Variants in SV2C observed in about 807,000 individuals in gnomAD.
SV2C encodes the protein synaptic vesicle glycoprotein 2C, also known as solute carrier family 22 member B3.
Under a neutral mutation model 79.7 loss-of-function variants are expected in SV2C, and 49 were observed. The ratio of observed to expected loss-of-function variants is 0.61; its 90% CI spans 0.49 to 0.78. SV2C has a LOEUF of 0.78. SV2C is among the 30% of genes least tolerant of loss of function. The pLI, the probability that SV2C is intolerant of heterozygous loss-of-function variation, is 0.00. For synonymous variants in SV2C, 334 were observed against 333.2 expected (o/e 1.00, Z -0.03); for missense variants, 833 against 912.9 (o/e 0.91, Z 1.13).
At chr5:75,973,909 A>G in the SV2C span, among the ~76,000 whole-genome samples, 17,663 of 151,970 alleles carry the variant, frequency 0.12, 3,042 homozygotes, top group African/African-American at 0.37. Flanking sequence ...AACATTGATT[A>G]TCTCTTATTT....
chr5:76,153,393 T>C (rs1295309185), intron 2 of SV2C, among the ~76,000 whole-genome samples: 1 of 152,196 alleles, frequency 6.6e-6, no homozygotes, highest in African/African-American at 2.4e-5. Flanking sequence ...TGTAGTCTTC[T>C]CTCTGCTTCC....
chr5:75,881,435 CATT>C, the SV2C span, among the ~76,000 whole-genome samples: 1 of 152,098 alleles, frequency 6.6e-6, no homozygotes, highest in African/African-American at 2.4e-5. Flanking sequence ...CTTTAAAGTA[CATT>C]ATATGTTTAT....
chr5:76,105,976 G>A (rs574445322), intron 1 of SV2C, among the ~76,000 whole-genome samples: 1 of 152,054 alleles, frequency 6.6e-6, no homozygotes, highest in South Asian at 2.1e-4. Context: ...TCTATATGCT[G>A]TTCACTCCCA....
chr5:75,890,156 T>C, the SV2C span, among the ~76,000 whole-genome samples: 74 of 152,244 alleles, frequency 4.9e-4, no homozygotes, highest in African/African-American at 1.7e-3. Context: ...ATGCTAAAAT[T>C]ACCCACAATG....
chr5:76,255,367 G>A lies in SV2C; in HGVS notation c.914-29795G>A, dbSNP rs113661817. Among the ~76,000 whole-genome samples, 133 of 152,242 alleles carry A rather than the reference G, an allele frequency of 8.7e-4. 1 individual carries two copies. Among genetic ancestry groups the A allele is most frequent in the African/African-American group, 2.9e-3 (121 of 41,548 alleles). ...ACGTGGTTTGGAGACAGGATCAGCC[G>A]GTCTGGAGACCATCTTCCCATGTCA... On this transcript the variant is annotated intron_variant, in intron 4 of 12. Transcript: ENST00000502798.
At chr5:76,345,121 A>C (rs889805461) in intron 12 of SV2C, among the ~76,000 whole-genome samples, 1 of 152,204 alleles carries the variant, frequency 6.6e-6, no homozygotes, top group Non-Finnish European at 1.5e-5. Context: ...TAGAAGGGAG[A>C]GTGTCAGCAT....
chr5:76,061,105 T>G, the SV2C span, among the ~76,000 whole-genome samples: 1 of 151,820 alleles, frequency 6.6e-6, no homozygotes, highest in African/African-American at 2.4e-5. Context: ...ACATCGAAGA[T>G]CACTGATCAC....
chr5:76,192,754 C>A (rs1275383640), intron 2 of SV2C, among the ~76,000 whole-genome samples: 1 of 152,146 alleles, frequency 6.6e-6, no homozygotes, highest in Admixed American at 6.5e-5. Flanking sequence ...CCACAGAATG[C>A]CCAATGGAAC....
chr5:75,960,527 A>G, the SV2C span, among the ~76,000 whole-genome samples: 1 of 152,058 alleles, frequency 6.6e-6, no homozygotes, highest in African/African-American at 2.4e-5. Context: ...AATATACAGT[A>G]ACCTAATGTA....
Position 76,298,820 on chromosome 5 carries a change from T to C in SV2C, c.1529T>C (p.Val510Ala). ...TTCATAGGGGTCAAGTTCAAATCTG[T>C]AACTTTCAAAGACTCTGTTTTTAAG... ...GRFIGVKFKS[V>A]TFKDSVFKSC... Residue 510 changes from valine to alanine, a missense_variant, in exon 10 of 13, where the codon GTA becomes GCA. Transcript: ENST00000502798. 6.2e-7 allele frequency: 1 copy of C among 1,613,980 alleles called. No homozygotes were observed. Among genetic ancestry groups the C allele is most frequent in the South Asian group, 1.1e-5 (1 of 91,066 alleles).
intron 4 of SV2C, among the ~76,000 whole-genome samples, chr5:76,250,462 G>A (rs562623201): frequency 2.0e-5 from 3 of 152,256 alleles, no homozygotes; most frequent in East Asian, 3.9e-4. Flanking sequence ...CACTGAATAA[G>A]CGTTCTGTGG....
At chr5:76,049,768 G>T in the SV2C span, among the ~76,000 whole-genome samples, 4 of 152,124 alleles carry the variant, frequency 2.6e-5, no homozygotes, top group African/African-American at 4.8e-5. Flanking sequence ...GAAAACCAGT[G>T]TTTCAATGAG....
intron 1 of SV2C, among the ~76,000 whole-genome samples, chr5:76,105,086 G>T (rs778998675): frequency 1.3e-5 from 2 of 152,288 alleles, no homozygotes; most frequent in East Asian, 3.9e-4. Flanking sequence ...CTGGATGAAG[G>T]TGGGCCGTAA....
At chr5:76,341,288 A>G (rs1377201281) in intron 12 of SV2C, among the ~76,000 whole-genome samples, 1 of 152,186 alleles carries the variant, frequency 6.6e-6, no homozygotes, top group African/African-American at 2.4e-5. Context: ...CTGTAATCCC[A>G]AAACTCTAGG....
the SV2C span, among the ~76,000 whole-genome samples, chr5:76,000,983 A>G: frequency 1.4e-4 from 22 of 151,744 alleles, no homozygotes; most frequent in Admixed American, 1.2e-3. Context: ...ATGATGTTGT[A>G]ATTTAGTACC....
chr5:76,208,560 T>C (rs1430511760), intron 3 of SV2C, among the ~76,000 whole-genome samples: 1 of 152,198 alleles, frequency 6.6e-6, no homozygotes. Context: ...TTTCCCTAAA[T>C]TGCATTTGTT....
the SV2C span, among the ~76,000 whole-genome samples, chr5:76,061,268 TAAAAAAAAA>T: frequency 6.4e-4 from 33 of 51,612 alleles, no homozygotes; most frequent in African/African-American, 2.5e-3. Context: ...CTTCAATTTG[TAAAAAAAAA>T]AAAAAAAAAA....
intron 1 of SV2C, among the ~76,000 whole-genome samples, chr5:76,089,877 G>A (rs1420580857): frequency 6.6e-6 from 1 of 152,168 alleles, no homozygotes; most frequent in African/African-American, 2.4e-5. Context: ...TACTCTTTGG[G>A]ATTGCATGTA....
At chr5:75,943,910 G>T in the SV2C span, among the ~76,000 whole-genome samples, 1 of 152,274 alleles carries the variant, frequency 6.6e-6, no homozygotes, top group African/African-American at 2.4e-5. Context: ...AGTCTGTGGA[G>T]TTGGGAGAAT....
Sources: allele counts gnomAD v4.1 joint callset (sites outside exome capture counted in the v4.1 genomes callset), GRCh38; gene constraint gnomAD v4.1.1; transcripts MANE v1.5; gene names NCBI Gene and HGNC (gene_info 2026-07-23, HGNC 2026-07-21).